Variants in PRDM10 observed in about 807,000 individuals in gnomAD.
PRDM10 encodes the protein PR/SET domain 10, also known as PR domain zinc finger protein 10.
A neutral mutation model predicts 133.1 loss-of-function variants in PRDM10; 65 were observed. That is an observed-to-expected ratio of 0.49 (90% CI 0.40 to 0.60). PRDM10 has a LOEUF of 0.60. Ranked by LOEUF, PRDM10 falls within the 20% of genes least tolerant of loss-of-function variation. PRDM10 has a pLI of 0.00. For missense variants in PRDM10, 1,137 were observed against 1,507.1 expected, an observed-to-expected ratio of 0.75 and a Z score of 4.07; for synonymous variants, 582 against 580.4, an observed-to-expected ratio of 1.00 and a Z score of -0.04.
At chr11:129,960,785 C>T (rs1319574435) in intron 2 of PRDM10, 111 bp downstream of exon 2, 7 of 1,083,260 alleles carry the variant, frequency 6.5e-6, no homozygotes, top group Non-Finnish European at 6.9e-6. Context: ...TTCTTCATGT[C>T]GGCTCCTAAC....
chr11:129,966,502 C>T (rs1293200450), intron 1 of PRDM10, among the ~76,000 whole-genome samples: 1 of 152,198 alleles, frequency 6.6e-6, no homozygotes, highest in African/African-American at 2.4e-5. Flanking sequence ...TGTTGACATA[C>T]TGAGCCTAAC....
chr11:129,906,155 T>C (rs1191076373), intron 19 of PRDM10, among the ~76,000 whole-genome samples: 4 of 152,216 alleles, frequency 2.6e-5, no homozygotes, highest in Admixed American at 6.5e-5. Context: ...ACCAGTGTTA[T>C]TAGAGCAAAT....
At chr11:129,928,714 A>T (rs1055425056) in intron 11 of PRDM10, among the ~76,000 whole-genome samples, 4 of 152,040 alleles carry the variant, frequency 2.6e-5, no homozygotes, top group African/African-American at 7.2e-5. Context: ...TCTTTTAAAC[A>T]ACTTTCCTTT....
intron 19 of PRDM10, among the ~76,000 whole-genome samples, chr11:129,906,352 A>G (rs748777573): frequency 3.3e-5 from 5 of 152,184 alleles, no homozygotes; most frequent in African/African-American, 4.8e-5. Flanking sequence ...GCATGTGAGA[A>G]TAACGCAGGA....
At chr11:129,988,128 ATAT>A (rs1481604261) in intron 1 of PRDM10, among the ~76,000 whole-genome samples, 1 of 152,240 alleles carries the variant, frequency 6.6e-6, no homozygotes, top group East Asian at 1.9e-4. Context: ...TTTATGTAAA[ATAT>A]TATATGAAAT....
intron 4 of PRDM10, among the ~76,000 whole-genome samples, chr11:129,949,890 C>T (rs564922920): frequency 2.0e-5 from 3 of 151,722 alleles, no homozygotes; most frequent in East Asian, 3.9e-4. Flanking sequence ...GCTGAGATCA[C>T]GCCATTGCAC....
intron 1 of PRDM10, among the ~76,000 whole-genome samples, chr11:130,001,115 T>C (rs967854916): frequency 2.0e-5 from 3 of 152,050 alleles, no homozygotes; most frequent in Non-Finnish European, 4.4e-5. Flanking sequence ...TAAATAAACC[T>C]AGCAAAGTTC....
At chr11:129,915,384 A>G (rs1950324587) in intron 16 of PRDM10, among the ~76,000 whole-genome samples, 1 of 152,198 alleles carries the variant, frequency 6.6e-6, no homozygotes, top group South Asian at 2.1e-4. Context: ...CTGCAAGCAC[A>G]GAACATTCAA....
intron 1 of PRDM10, among the ~76,000 whole-genome samples, chr11:129,985,809 A>AAAT (rs1565512177): frequency 1.6e-4 from 10 of 61,092 alleles, no homozygotes; most frequent in African/African-American, 4.1e-4. Flanking sequence ...AAAAAAAAAA[A>AAAT]ATATATATAT....
At chr11:129,988,669 G>T (rs1292732633) in intron 1 of PRDM10, among the ~76,000 whole-genome samples, 2 of 151,246 alleles carry the variant, frequency 1.3e-5, no homozygotes, top group African/African-American at 4.9e-5. Context: ...TCGCTCTGTT[G>T]CCTGGGCTGG....
chr11:129,938,036 C>T (rs1951089223), intron 7 of PRDM10, among the ~76,000 whole-genome samples: 1 of 152,158 alleles, frequency 6.6e-6, no homozygotes, highest in South Asian at 2.1e-4. Context: ...ACCAAACAGC[C>T]CTTACTGGGG....
At chr11:129,946,309 T>A (rs893551649) in intron 5 of PRDM10, among the ~76,000 whole-genome samples, 4 of 151,848 alleles carry the variant, frequency 2.6e-5, no homozygotes, top group Non-Finnish European at 5.9e-5. Context: ...ACGTATGAAT[T>A]CAAGGAAAAC....
intron 17 of PRDM10, 41 bp from the exon 18 acceptor site, chr11:129,912,266 T>G (rs1742456646): frequency 7.0e-7 from 1 of 1,434,068 alleles, no homozygotes; most frequent in Non-Finnish European, 9.4e-7. Context: ...AGACATATAT[T>G]GATTGAAGTT....
At chr11:130,002,412 G>C (rs2136024340) in intron 1 of PRDM10, among the ~76,000 whole-genome samples, 1 of 152,252 alleles carries the variant, frequency 6.6e-6, no homozygotes, top group East Asian at 1.9e-4. Flanking sequence ...GGGCCTGCTG[G>C]AGGGGGCCTT....
At chr11:129,999,953 C>T (rs1003616829) in intron 1 of PRDM10, among the ~76,000 whole-genome samples, 2 of 151,932 alleles carry the variant, frequency 1.3e-5, no homozygotes, top group African/African-American at 4.8e-5. Flanking sequence ...ATTTTATACA[C>T]ACACAAAACC....
chr11:129,957,764 G>A lies in PRDM10; in HGVS notation c.216C>T (p.His72=). The A allele has an allele frequency of 6.2e-7, 1 of 1,612,622 alleles. No individual in the cohort carries two copies. The highest frequency in any genetic ancestry group is 1.1e-5 in the South Asian group (1 of 90,900). The change falls in exon 3 of 21, where the codon CAC becomes CAT. Residue 72 remains histidine (H), a synonymous_variant. Coordinates refer to ENST00000360871, the MANE Select transcript of PRDM10 (RefSeq NM_199437.2). ...DGPEHTLVYI[H]PVEAAQTLFT... ...CACATGCCTGTGCAGCTTCCACCGG[G>A]TGGATGTACACCAGCGTGTGCTCTG...
At chr11:129,949,467 G>A (rs753950185) in intron 4 of PRDM10, among the ~76,000 whole-genome samples, 38 of 152,134 alleles carry the variant, frequency 2.5e-4, no homozygotes, top group Non-Finnish European at 3.7e-4. Context: ...TTAAAAGATC[G>A]CTGAGCATAA....
chr11:129,984,868 G>A (rs553207121), intron 1 of PRDM10, among the ~76,000 whole-genome samples: 12 of 152,252 alleles, frequency 7.9e-5, no homozygotes, highest in East Asian at 3.9e-4. Flanking sequence ...TGCTTTCTCC[G>A]CCACTGTCCA....
intron 1 of PRDM10, among the ~76,000 whole-genome samples, chr11:129,968,979 G>T (rs1288675359): frequency 6.6e-6 from 1 of 152,166 alleles, no homozygotes; most frequent in Admixed American, 6.5e-5. Context: ...AGCAAAAAAG[G>T]CTGGGTAGGG....
Sources: gnomAD v4.1 joint callset for allele counts (sites outside exome capture counted in the v4.1 genomes callset) on GRCh38, gnomAD v4.1.1 for gene constraint, MANE v1.5 for transcripts, NCBI Gene and HGNC (gene_info 2026-07-23, HGNC 2026-07-21) for gene names.